The following ZNF44 variants were observed in gnomAD, a reference collection of about 807,000 sequenced individuals.
The protein encoded by ZNF44 is gonadotropin inducible transcription repressor-2.
Under a neutral mutation model 11.7 loss-of-function variants are expected in ZNF44, and 9 were observed. That is an observed-to-expected ratio of 0.77 (90% CI 0.46 to 1.35). ZNF44 has a LOEUF of 1.35. Ranked by LOEUF, ZNF44 falls within the 40% of genes most tolerant of loss-of-function variation. The pLI, the probability that ZNF44 is intolerant of heterozygous loss-of-function variation, is 0.00. For missense variants in ZNF44, 696 were observed against 743.1 expected, an observed-to-expected ratio of 0.94 and a Z score of 0.74; for synonymous variants, 224 against 242.7, an observed-to-expected ratio of 0.92 and a Z score of 0.72.
chr19:12,254,780 A>G (rs1917173178), intron 5 of ZNF44, among the ~76,000 whole-genome samples: 1 of 151,686 alleles, frequency 6.6e-6, no homozygotes, highest in African/African-American at 2.4e-5. Context: ...ATGAATGAAA[A>G]TACAGCTTAT....
At position 12,274,075 on chromosome 19, in the gene ZNF44, G is replaced by GA. The variant is rs1967107277; in HGVS notation, c.192-13dup. 2 of 1,583,904 alleles carry GA rather than the reference G, an allele frequency of 1.3e-6. No homozygotes were observed. The highest frequency in any genetic ancestry group is 1.1e-5 in the South Asian group (1 of 87,100). On this transcript the variant is annotated splice_polypyrimidine_tract_variant and intron_variant, in intron 3 of 3. Transcript: ENST00000355684. The stretch of plus-strand genomic sequence containing the variant: ...CTACCACATCACACCTGTAAAAAAT[G>GA]AAAAGTACATTACTAAAGGTTTATT...
chr19:12,235,788 A>G (rs1021929652), intron 1 of ZNF44, among the ~76,000 whole-genome samples: 1 of 152,082 alleles, frequency 6.6e-6, no homozygotes, highest in Admixed American at 6.6e-5. Flanking sequence ...TATTCACTAG[A>G]TCCTCCAAGA....
Position 12,263,574 on chromosome 19 carries a change from G to A in ZNF44, c.1912+8913C>T, listed in dbSNP as rs573506316. Among the ~76,000 whole-genome samples, 3 of 152,124 alleles carry A rather than the reference G, an allele frequency of 2.0e-5. No homozygotes were observed. The South Asian group carries it at 6.2e-4, about 32-fold the overall frequency. ...GGAGTCCCTGAGGCTACAAGTTTGAGACCAGCTTGGGCAATGTATCAAAAC... is the reference window on the plus strand; with the variant it reads ...GGAGTCCCTGAGGCTACAAGTTTGAAACCAGCTTGGGCAATGTATCAAAAC... On this transcript the variant is annotated intron_variant and NMD_transcript_variant, in intron 5 of 7. Coordinates refer to the ZNF44 transcript ENST00000393337.
Position 12,266,128 on chromosome 19 carries a change from C to A in ZNF44, c.1912+6359G>T. ...TGCCGGCCGGACCAGGGCCACCCTG[C>A]GGCCAAGGGGACCGAGGGCCGAGCT... On this transcript the variant is annotated intron_variant and NMD_transcript_variant, in intron 5 of 7. Coordinates refer to the ZNF44 transcript ENST00000393337. 4 of 461,852 alleles carry A rather than the reference C, an allele frequency of 8.7e-6. No individual in the cohort carries two copies. The South Asian group carries it at 3.6e-4, about 42-fold the overall frequency. The allele number at this position is 461,852 out of a possible 1,614,324, so 28.6% of individuals were successfully genotyped here.
downstream of ZNF44, among the ~76,000 whole-genome samples, chr19:12,268,410 T>C (rs1434721440): frequency 6.6e-6 from 1 of 152,166 alleles, no homozygotes; most frequent in Non-Finnish European, 1.5e-5. Context: ...ATGAAGATTA[T>C]TTCTGGTCTC....
chr19:12,250,621 AGT>A, intron 5 of ZNF44: 1 of 378,596 alleles, frequency 2.6e-6, no homozygotes, highest in Non-Finnish European at 5.2e-6. Flanking sequence ...ACTCTGGAAA[AGT>A]GAGAGAAATG....
At chr19:12,276,443 G>A (rs141746028) in intron 1 of ZNF44, among the ~76,000 whole-genome samples, 16 of 152,290 alleles carry the variant, frequency 1.1e-4, no homozygotes, top group African/African-American at 3.4e-4. Context: ...GTCCTGAGAC[G>A]GCATATCCTT....
At chr19:12,231,875 C>T (rs1043677004) in intron 2 of ZNF44, among the ~76,000 whole-genome samples, 2 of 152,112 alleles carry the variant, frequency 1.3e-5, no homozygotes, top group East Asian at 1.9e-4. Flanking sequence ...GGGTGTTTCT[C>T]GTTAGGTGGA....
chr19:12,273,663 T>C lies in ZNF44; in HGVS notation c.592A>G (p.Lys198Glu), dbSNP rs1458268694. The change falls in exon 4 of 4, where the codon AAA (lysine) becomes GAA (glutamate). Residue 198 changes from lysine to glutamate, a missense_variant. Coordinates refer to ENST00000355684, the MANE Select transcript of ZNF44 (RefSeq NM_016264.4). ...AAGGCTTTCCCACACAATTCACATTTATAAGGTCCATCTCCACCTTTTACT... is the reference window on the plus strand; with the variant it reads ...AAGGCTTTCCCACACAATTCACATTCATAAGGTCCATCTCCACCTTTTACT... Reference protein sequence around the residue: ...MVVKGGDGPYKCELCGKAFFW... With the variant: ...MVVKGGDGPYECELCGKAFFW... The C allele has an allele frequency of 1.9e-6, 3 of 1,614,116 alleles. No individual in the cohort carries two copies. Among genetic ancestry groups the C allele is most frequent in the Non-Finnish European group, 2.5e-6 (3 of 1,180,048 alleles).
chr19:12,252,312 A>G (rs1280550844), intron 5 of ZNF44, among the ~76,000 whole-genome samples: 1 of 152,194 alleles, frequency 6.6e-6, no homozygotes, highest in African/African-American at 2.4e-5. Flanking sequence ...GTTCTGAAAG[A>G]AAAAATCTGT....
At chr19:12,283,005 C>A (rs1967553894) in intron 1 of ZNF44, among the ~76,000 whole-genome samples, 1 of 152,174 alleles carries the variant, frequency 6.6e-6, no homozygotes, top group South Asian at 2.1e-4. Context: ...TCCAGCTTCT[C>A]CTAAACTTTC....
chr19:12,264,293 C>T (rs936216723), intron 5 of ZNF44, among the ~76,000 whole-genome samples: 2 of 152,096 alleles, frequency 1.3e-5, no homozygotes, highest in Non-Finnish European at 2.9e-5. Context: ...CCTTGATAAG[C>T]GTGAGTACGT....
intron 5 of ZNF44, among the ~76,000 whole-genome samples, chr19:12,264,258 TGTGA>T (rs1331864373): frequency 6.6e-6 from 1 of 152,144 alleles, no homozygotes; most frequent in Non-Finnish European, 1.5e-5. Context: ...CCTTGATAGG[TGTGA>T]GTATGTAGGA....
exon 8 of ZNF44, chr19:12,248,006 T>C (rs1568426918): frequency 7.5e-7 from 1 of 1,341,260 alleles, no homozygotes; most frequent in South Asian, 1.2e-5. Flanking sequence ...ATACGAACAC[T>C]TTCCCACATT....
upstream of ZNF44, among the ~76,000 whole-genome samples, chr19:12,242,396 G>C (rs1285018790): frequency 1.3e-5 from 2 of 151,678 alleles, no homozygotes; most frequent in African/African-American, 4.9e-5. Flanking sequence ...TGTAGTCCTA[G>C]CTACTCGGGA....
intron 7 of ZNF44, among the ~76,000 whole-genome samples, chr19:12,249,168 G>T (rs11669880): frequency 0.39 from 58,599 of 151,226 alleles, 14,353 homozygotes; most frequent in African/African-American, 0.71. Flanking sequence ...ATTATAGGCG[G>T]GAGCCACCGC....
At chr19:12,284,476 A>G (rs1188889458) in intron 1 of ZNF44, 3 of 654,486 alleles carry the variant, frequency 4.6e-6, no homozygotes, top group Non-Finnish European at 5.7e-6. Context: ...AAGGCCGAGG[A>G]TAAGAAGTGG....
At chr19:12,274,175 C>T in intron 3 of ZNF44, 112 bp from the exon 4 acceptor site, 1 of 893,240 alleles carries the variant, frequency 1.1e-6, no homozygotes, top group Non-Finnish European at 1.7e-6. Context: ...GCTTCATGTC[C>T]TGCTTCAATG....
upstream of ZNF44, among the ~76,000 whole-genome samples, chr19:12,239,211 C>T (rs546680350): frequency 2.5e-4 from 38 of 151,810 alleles, no homozygotes; most frequent in Non-Finnish European, 4.3e-4. Context: ...CTCCCGGGTT[C>T]AAGCAGTTCT....
Sources: allele counts gnomAD v4.1 joint callset (sites outside exome capture counted in the v4.1 genomes callset), GRCh38; gene constraint gnomAD v4.1.1; transcripts MANE v1.5; gene names NCBI Gene and HGNC (gene_info 2026-07-23, HGNC 2026-07-21).